Variants in ZCCHC7 observed in about 807,000 individuals in gnomAD.
ZCCHC7 encodes the protein zinc finger CCHC-type containing 7.
A neutral mutation model predicts 52.0 loss-of-function variants in ZCCHC7; 35 were observed. That is an observed-to-expected ratio of 0.67 (90% confidence interval 0.51 to 0.89). The LOEUF (loss-of-function observed/expected upper bound fraction) is 0.89. ZCCHC7 is among the 40% of genes least tolerant of loss of function. The probability of loss-of-function intolerance (pLI) is 0.00; values close to 1 mark genes in which losing one functional copy is unlikely to be tolerated. For missense variants in ZCCHC7, 574 were observed against 649.1 expected, an observed-to-expected ratio of 0.88 and a Z score of 1.26; for synonymous variants, 217 against 221.5, an observed-to-expected ratio of 0.98 and a Z score of 0.18.
At chr9:37,142,371 AAGGGC>A (rs1843266094) in intron 2 of ZCCHC7, among the ~76,000 whole-genome samples, 1 of 151,734 alleles carries the variant, frequency 6.6e-6, no homozygotes, top group Non-Finnish European at 1.5e-5. Context: ...GAATTGGGGT[AAGGGC>A]AAGCCTTCTT....
rs1287818538 is a variant in ZCCHC7 at position 37,274,306 on chromosome 9, T to G, written c.611-27882T>G. Among the ~76,000 whole-genome samples, 3 of 151,898 alleles carry G rather than the reference T, an allele frequency of 2.0e-5. No individual in the cohort carries two copies. In the East Asian group the frequency reaches 5.8e-4, roughly 29 times the overall value. ...TTCATGAGTGTATAGTGATATAATT[T>G]TATGAAAATTACCATATCTAATTTC... On this transcript the variant is annotated intron_variant, in intron 2 of 8. Coordinates refer to ENST00000336755, the MANE Select transcript of ZCCHC7 (RefSeq NM_032226.3).
intron 2 of ZCCHC7, among the ~76,000 whole-genome samples, chr9:37,253,474 T>G (rs1826428860): frequency 6.6e-6 from 1 of 152,052 alleles, no homozygotes. Context: ...CCGATCCACT[T>G]TTTCTTTATC....
chr9:37,348,326 A>G (rs1176618207), intron 6 of ZCCHC7, among the ~76,000 whole-genome samples: 1 of 140,490 alleles, frequency 7.1e-6, no homozygotes, highest in Non-Finnish European at 1.5e-5. Context: ...CGTCTTTTCA[A>G]TGACCAAGTG....
At chr9:37,152,136 G>T (rs1820562818) in intron 2 of ZCCHC7, among the ~76,000 whole-genome samples, 1 of 152,154 alleles carries the variant, frequency 6.6e-6, no homozygotes, top group Non-Finnish European at 1.5e-5. Flanking sequence ...TCTAAAGAAA[G>T]ATTTCCAAAT....
chr9:37,319,805 T>A (rs113075333), intron 5 of ZCCHC7, among the ~76,000 whole-genome samples: 33 of 152,222 alleles, frequency 2.2e-4, no homozygotes, highest in African/African-American at 8.0e-4. Context: ...AAACTTTGTA[T>A]AATGTGAGGT....
intron 2 of ZCCHC7, among the ~76,000 whole-genome samples, chr9:37,150,084 A>T (rs1451289535): frequency 2.6e-5 from 4 of 152,224 alleles, no homozygotes; most frequent in African/African-American, 9.6e-5. Context: ...TAAGGAAAGG[A>T]GGATCACTAG....
intron 2 of ZCCHC7, among the ~76,000 whole-genome samples, chr9:37,276,590 CTCA>C (rs1293118212): frequency 4.6e-5 from 7 of 152,138 alleles, no homozygotes; most frequent in Non-Finnish European, 7.4e-5. Context: ...AATTGCCTTC[CTCA>C]TCATTTAGGG....
At chr9:37,240,826 A>G (rs1347400291) in intron 2 of ZCCHC7, among the ~76,000 whole-genome samples, 2 of 151,820 alleles carry the variant, frequency 1.3e-5, no homozygotes, top group African/African-American at 4.8e-5. Flanking sequence ...TGTGTTTGTT[A>G]TTGTTAAGAA....
intron 5 of ZCCHC7, among the ~76,000 whole-genome samples, chr9:37,316,001 C>T (rs1361608668): frequency 2.4e-4 from 35 of 148,510 alleles, no homozygotes; most frequent in Admixed American, 7.3e-4. Flanking sequence ...AATTGAGCCA[C>T]GTCTTCCTCA....
At position 37,321,759 on chromosome 9, in the gene ZCCHC7, C is replaced by CTTT. The variant is rs1830062622; in HGVS notation, c.952-6039_952-6038insTTT. On this transcript the variant is annotated intron_variant, in intron 5 of 8. Coordinates refer to ENST00000336755, the MANE Select transcript of ZCCHC7 (RefSeq NM_032226.3). The stretch of plus-strand genomic sequence containing the variant: ...CTAGCCTGGGCAACAGAGTAAGACT[C>CTTT]TGTCTCTAAATAAATAAATAAAAAT... Among the ~76,000 whole-genome samples the CTTT allele has an allele frequency of 2.6e-5, 4 of 152,212 alleles. No individual in the cohort carries two copies. The South Asian group carries it at 8.3e-4, about 32-fold the overall frequency.
At chr9:37,305,324 A>G (rs777631452) in intron 4 of ZCCHC7, among the ~76,000 whole-genome samples, 4 of 152,224 alleles carry the variant, frequency 2.6e-5, no homozygotes, top group Admixed American at 6.5e-5. Context: ...CATAAGGAAT[A>G]TATGCCAGCT....
chr9:37,178,392 C>T (rs377063246), intron 2 of ZCCHC7, among the ~76,000 whole-genome samples: 9 of 135,520 alleles, frequency 6.6e-5, no homozygotes, highest in South Asian at 2.3e-4. Context: ...CCCCACTGGC[C>T]GCCCCCTACC....
chr9:37,231,423 G>A (rs1825400391), intron 2 of ZCCHC7, among the ~76,000 whole-genome samples: 1 of 152,050 alleles, frequency 6.6e-6, no homozygotes, highest in Non-Finnish European at 1.5e-5. Flanking sequence ...ATTTCTAGAT[G>A]TTTTAATTTT....
intron 2 of ZCCHC7, among the ~76,000 whole-genome samples, chr9:37,192,296 T>C (rs972482509): frequency 2.0e-4 from 30 of 152,240 alleles, no homozygotes; most frequent in African/African-American, 7.2e-4. Flanking sequence ...TAACTTGTTA[T>C]TGTCAGAGAA....
chr9:37,241,910 C>T (rs1462185169), intron 2 of ZCCHC7, among the ~76,000 whole-genome samples: 1 of 151,708 alleles, frequency 6.6e-6, no homozygotes, highest in African/African-American at 2.4e-5. Context: ...AGTAGTGGCT[C>T]ATCAGCTTAG....
At chr9:37,251,777 G>A (rs780417078) in intron 2 of ZCCHC7, among the ~76,000 whole-genome samples, 1 of 152,142 alleles carries the variant, frequency 6.6e-6, no homozygotes, top group Admixed American at 6.5e-5. Context: ...GGGTAGCATC[G>A]TTACAGTTGA....
At chr9:37,278,034 G>GTGTGTTTTGTTTTGTTT (rs74182939) in intron 2 of ZCCHC7, among the ~76,000 whole-genome samples, 4,350 of 142,868 alleles carry the variant, frequency 0.03, 96 homozygotes, top group Non-Finnish European at 0.035. Context: ...GTGTGTGTGT[G>GTGTGTTTTGTTTTGTTT]TGTTTTGTTT....
At chr9:37,351,075 T>C (rs929114922) in intron 7 of ZCCHC7, among the ~76,000 whole-genome samples, 2 of 95,102 alleles carry the variant, frequency 2.1e-5, no homozygotes, top group African/African-American at 8.5e-5. Context: ...ACCTACATTG[T>C]AGGGCAACGA....
At chr9:37,218,680 G>A (rs772376204) in intron 2 of ZCCHC7, among the ~76,000 whole-genome samples, 2 of 152,222 alleles carry the variant, frequency 1.3e-5, no homozygotes, top group Non-Finnish European at 2.9e-5. Context: ...GTGGTGGCGC[G>A]CACTTGTAGT....
Sources: gnomAD v4.1 joint callset for allele counts (sites outside exome capture counted in the v4.1 genomes callset) on GRCh38, gnomAD v4.1.1 for gene constraint, MANE v1.5 for transcripts, NCBI Gene and HGNC (gene_info 2026-07-23, HGNC 2026-07-21) for gene names.